MAP2K5: variants seen among roughly 807,000 people sequenced by gnomAD.
MAP2K5 encodes dual specificity mitogen-activated protein kinase kinase 5.
Under a neutral mutation model 83.1 loss-of-function variants are expected in MAP2K5, and 49 were observed. The observed-to-expected ratio is 0.59, with a 90% confidence interval of 0.47 to 0.75. MAP2K5 has a LOEUF of 0.75. Among genes scored for constraint, MAP2K5 ranks in the 30% least tolerant of loss-of-function variants. The pLI is 0.00. For missense variants in MAP2K5, 457 were observed against 557.5 expected (o/e 0.82, Z 1.82); for synonymous variants, 202 against 191.8 (o/e 1.05, Z -0.44).
intron 3 of MAP2K5, among the ~76,000 whole-genome samples, chr15:67,566,093 C>T (rs1309169000): frequency 6.6e-6 from 1 of 152,108 alleles, no homozygotes; most frequent in East Asian, 1.9e-4. Flanking sequence ...TCCAGGATTT[C>T]GTATAAAGGC....
Position 67,638,325 on chromosome 15 carries a change from C to T in MAP2K5, c.585+7398C>T, listed in dbSNP as rs1364668829. Among the ~76,000 whole-genome samples the T allele has an allele frequency of 2.6e-5, 4 of 152,096 alleles. No homozygotes were observed. The highest frequency in any genetic ancestry group is 4.4e-5 in the Non-Finnish European group (3 of 68,022). ...CTTATAAGTGAGAACATGTGGTATT[C>T]GGTTTCCTGTTCTTGTGTTAGTTTG... is the stretch of plus-strand genomic sequence containing the variant. On this transcript the variant is annotated intron_variant, in intron 9 of 21. Coordinates refer to ENST00000178640, the MANE Select transcript of MAP2K5 (RefSeq NM_145160.3). This position sits in a 1 kb window ranked among gnomAD's most constrained non-coding sequence, Gnocchi z 4.5.
rs2084779100 is a variant in MAP2K5 at position 67,563,456 on chromosome 15, A to G, written c.252+106A>G. On this transcript the variant is annotated intron_variant, in intron 3 of 21. Transcript: ENST00000178640. The surrounding 1 kb of genome is among the most constrained non-coding windows in gnomAD (Gnocchi z 4.5). ...AGTAAATAAATCACAGTTGTCATACATTTTTCTATATAATAGGTAAAGGTT... is the reference window on the plus strand; with the variant it reads ...AGTAAATAAATCACAGTTGTCATACGTTTTTCTATATAATAGGTAAAGGTT... The G allele has an allele frequency of 7.2e-7, 1 of 1,386,356 alleles. No homozygotes were observed. Among genetic ancestry groups the G allele is most frequent in the Non-Finnish European group, 9.7e-7 (1 of 1,036,208 alleles). The allele number at this position is 1,386,356 out of a possible 1,614,324, so 85.9% of individuals were successfully genotyped here.
intron 12 of MAP2K5, among the ~76,000 whole-genome samples, chr15:67,661,721 G>A (rs1275778837): frequency 3.9e-5 from 6 of 152,114 alleles, no homozygotes; most frequent in African/African-American, 1.4e-4. Context: ...CATGTTTTCT[G>A]AAAATTCATT....
chr15:67,564,431 A>G (rs140885182), intron 3 of MAP2K5, among the ~76,000 whole-genome samples: 2,184 of 152,252 alleles, frequency 0.014, 18 homozygotes, highest in Non-Finnish European at 0.025. Context: ...TAGGTTTTTG[A>G]TAGACTTCAG....
At position 67,565,506 on chromosome 15, in the gene MAP2K5, G is replaced by A. The variant is rs1034301816; in HGVS notation, c.252+2156G>A. On this transcript the variant is annotated intron_variant, in intron 3 of 21. Transcript: ENST00000178640. The surrounding 1 kb of genome is among the most constrained non-coding windows in gnomAD (Gnocchi z 4.1). Reference sequence around the variant, plus strand: ...GCCTCCCAAAGTGCTGGGATTACAGGCATGAGCCACTGTGCCCGGCCTGTC... The same window carrying A: ...GCCTCCCAAAGTGCTGGGATTACAGACATGAGCCACTGTGCCCGGCCTGTC... Among the ~76,000 whole-genome samples, 14 of 152,192 alleles carry A rather than the reference G, an allele frequency of 9.2e-5. No individual in the cohort carries two copies. Among genetic ancestry groups the A allele is most frequent in the African/African-American group, 3.4e-4 (14 of 41,434 alleles).
intron 17 of MAP2K5, among the ~76,000 whole-genome samples, chr15:67,741,983 C>G (rs2089504371): frequency 6.6e-6 from 1 of 152,030 alleles, no homozygotes; most frequent in African/African-American, 2.4e-5. Context: ...CAAACTCTGC[C>G]TCCCAGGTTC....
At chr15:67,654,129 G>A (rs984151373) in intron 11 of MAP2K5, among the ~76,000 whole-genome samples, 6 of 151,870 alleles carry the variant, frequency 4.0e-5, no homozygotes, top group Admixed American at 3.9e-4. Flanking sequence ...AGATATTGAA[G>A]TCTCAAAAAC....
At chr15:67,725,793 A>G (rs1272268789) in intron 16 of MAP2K5, among the ~76,000 whole-genome samples, 1 of 152,212 alleles carries the variant, frequency 6.6e-6, no homozygotes. Context: ...CACCCACCAC[A>G]GTAGACCATA....
chr15:67,686,642 T>TAATAATAAC lies in MAP2K5; in HGVS notation c.848-5835_848-5834insTAATAACAA, dbSNP rs869154734. Among the ~76,000 whole-genome samples the TAATAATAAC allele has an allele frequency of 2.9e-3, 365 of 124,940 alleles. 4 individuals carry two copies. The highest frequency in any genetic ancestry group is 0.01 in the African/African-American group (343 of 33,996). 82.0% of individuals were successfully genotyped at this position (124,940 alleles called of 152,430 possible). A position where few individuals can be genotyped will look rare whatever the true frequency, so the allele number is the denominator to read the frequency against. ...ATAATAATAATAATAATAATAATAA[T>TAATAATAAC]AACATGTTGTAGGGTTTATAATTTA... On this transcript the variant is annotated intron_variant, in intron 13 of 21. Coordinates refer to ENST00000178640, the MANE Select transcript of MAP2K5 (RefSeq NM_145160.3).
Position 67,577,753 on chromosome 15 carries a change from C to A in MAP2K5, c.253-3001C>A, listed in dbSNP as rs960407695. Among the ~76,000 whole-genome samples, 1 of 152,180 alleles carries A rather than the reference C, an allele frequency of 6.6e-6. No individual in the cohort carries two copies. Among genetic ancestry groups the A allele is most frequent in the Non-Finnish European group, 1.5e-5 (1 of 68,038 alleles). ...CAGTGGCTCACGCCTGTAATCCCAG[C>A]ACTTTGGGAGGCCAAGGCAGGTGGA... On this transcript the variant is annotated intron_variant, in intron 3 of 21. Coordinates refer to ENST00000178640, the MANE Select transcript of MAP2K5 (RefSeq NM_145160.3). The surrounding 1 kb of genome is among the most constrained non-coding windows in gnomAD (Gnocchi z 4.1).
rs1391760878 is a variant in MAP2K5, at chr15:67,757,160, T to C, written c.1134+8559T>C. ...ATGGCTATACCAATTTACATTCCCA[T>C]GAACAGTGTATAAGGGTTCCCTTTT... On this transcript the variant is annotated intron_variant, in intron 19 of 21. Transcript: ENST00000178640. The surrounding 1 kb of genome is among the most constrained non-coding windows in gnomAD (Gnocchi z 4.9). 6.6e-6 allele frequency among the ~76,000 whole-genome samples: 1 copy of C among 152,178 alleles called. No individual in the cohort carries two copies. The highest frequency in any genetic ancestry group is 2.4e-5 in the African/African-American group (1 of 41,456).
chr15:67,678,070 C>T (rs1395848070), intron 13 of MAP2K5, among the ~76,000 whole-genome samples: 2 of 152,134 alleles, frequency 1.3e-5, no homozygotes, highest in African/African-American at 4.8e-5. Context: ...AGTATGTTCC[C>T]GTTGTGCACA....
At chr15:67,742,170 C>T (rs1049879036) in intron 17 of MAP2K5, among the ~76,000 whole-genome samples, 9 of 152,174 alleles carry the variant, frequency 5.9e-5, no homozygotes, top group Admixed American at 1.3e-4. Flanking sequence ...GGATTGCAGG[C>T]GTGAGCCACT....
rs916059127 is a variant in MAP2K5 at position 67,748,642 on chromosome 15, C to T, written c.1134+41C>T. The stretch of plus-strand genomic sequence containing the variant: ...ATGTGCTTTCACTCCTAAAGTCATT[C>T]CTAATGGTGTGGAAAGCTTATATTT... On this transcript the variant is annotated intron_variant, in intron 19 of 21. Coordinates refer to ENST00000178640, the MANE Select transcript of MAP2K5 (RefSeq NM_145160.3). This position sits in a 1 kb window ranked among gnomAD's most constrained non-coding sequence, Gnocchi z 4.0. 8 of 1,588,652 alleles carry T rather than the reference C, an allele frequency of 5.0e-6. No homozygotes were observed. The highest frequency in any genetic ancestry group is 6.0e-6 in the Non-Finnish European group (7 of 1,159,136).
chr15:67,725,805 T>C (rs2089079042), intron 16 of MAP2K5, among the ~76,000 whole-genome samples: 1 of 152,184 alleles, frequency 6.6e-6, no homozygotes, highest in African/African-American at 2.4e-5. Context: ...TAGACCATAG[T>C]AATTCCTCCT....
At chr15:67,744,016 T>G (rs1415928387) in intron 17 of MAP2K5, among the ~76,000 whole-genome samples, 1 of 152,228 alleles carries the variant, frequency 6.6e-6, no homozygotes, top group Admixed American at 6.5e-5. Flanking sequence ...GGCCAGGCAC[T>G]ATCTATGACT....
At chr15:67,756,272 A>T (rs751003827) in intron 19 of MAP2K5, among the ~76,000 whole-genome samples, 1 of 152,286 alleles carries the variant, frequency 6.6e-6, no homozygotes, top group Non-Finnish European at 1.5e-5. Flanking sequence ...CCATCTTCTT[A>T]TGCTGCTTTC....
rs1003631044 is a variant in MAP2K5 at position 67,775,178 on chromosome 15, C to G, written c.1242+2426C>G. On this transcript the variant is annotated intron_variant, in intron 21 of 21. Transcript: ENST00000178640. The surrounding 1 kb of genome is among the most constrained non-coding windows in gnomAD (Gnocchi z 5.3). Reference sequence around the variant, plus strand: ...AAATCATCATCTTGGCAGTTTTTGACCATGTCAGTCTTAAAGATTAATGTA... The same window carrying G: ...AAATCATCATCTTGGCAGTTTTTGAGCATGTCAGTCTTAAAGATTAATGTA... Among the ~76,000 whole-genome samples the G allele has an allele frequency of 3.3e-5, 5 of 152,154 alleles. No homozygotes were observed. The highest frequency in any genetic ancestry group is 1.2e-4 in the African/African-American group (5 of 41,420).
chr15:67,639,386 A>AT (rs1397615029), intron 9 of MAP2K5, among the ~76,000 whole-genome samples: 3 of 152,198 alleles, frequency 2.0e-5, no homozygotes, highest in Admixed American at 6.5e-5. Flanking sequence ...TTTTGCATGC[A>AT]TTTTTTAAAT....
Sources: allele counts gnomAD v4.1 joint callset (sites outside exome capture counted in the v4.1 genomes callset), GRCh38; gene constraint gnomAD v4.1.1; non-coding constraint Gnocchi (gnomAD v3.1); transcripts MANE v1.5; gene names NCBI Gene and HGNC (gene_info 2026-07-23, HGNC 2026-07-21).